Variants in USH2A observed in about 807,000 individuals in gnomAD.
USH2A encodes Usher syndrome 2A (autosomal recessive, mild).
In USH2A, 443 loss-of-function variants were observed where a neutral mutation model predicts 538.9. That is an observed-to-expected ratio of 0.82 (90% confidence interval 0.76 to 0.89). USH2A has a LOEUF of 0.89. Among genes scored for constraint, USH2A ranks in the 40% least tolerant of loss-of-function variants. USH2A has a pLI of 0.00. For missense variants in USH2A, 6,633 were observed against 6,324.8 expected (o/e 1.05, Z -1.65); for synonymous variants, 2,413 against 2,273.5 (o/e 1.06, Z -1.75).
At chr1:215,761,027 C>A (rs1660966050) in intron 56 of USH2A, among the ~76,000 whole-genome samples, 1 of 152,190 alleles carries the variant, frequency 6.6e-6, no homozygotes. Flanking sequence ...ATTTTATTGG[C>A]TCTGGCCTAA....
Position 215,943,649 on chromosome 1 carries a change from A to G in USH2A, c.7121-8854T>C, listed in dbSNP as rs914258797. 5.9e-5 allele frequency among the ~76,000 whole-genome samples: 9 copies of G among 152,292 alleles called. No individual in the cohort carries two copies. In the East Asian group the frequency reaches 1.7e-3, roughly 29 times the overall value. Reference sequence around the variant, plus strand: ...GTGAAACAATGGCTCACAGTCAACTAAGGATTATTCAAGATGCCTCTAAAA... The same window carrying G: ...GTGAAACAATGGCTCACAGTCAACTGAGGATTATTCAAGATGCCTCTAAAA... On this transcript the variant is annotated intron_variant, in intron 37 of 71. Coordinates refer to ENST00000307340, the MANE Select transcript of USH2A (RefSeq NM_206933.4).
intron 30 of USH2A, among the ~76,000 whole-genome samples, chr1:216,057,458 T>A (rs2031016080): frequency 6.6e-6 from 1 of 151,928 alleles, no homozygotes; most frequent in Non-Finnish European, 1.5e-5. Context: ...GAGTTTGAGA[T>A]CAGCCTGACC....
chr1:215,650,818 A>T lies in USH2A; in HGVS notation c.14134-17T>A, dbSNP rs777384777. 3.5e-5 allele frequency: 56 copies of T among 1,613,122 alleles called. No homozygotes were observed. Among genetic ancestry groups the T allele is most frequent in the Non-Finnish European group, 4.7e-5 (56 of 1,179,778 alleles). On this transcript the variant is annotated splice_polypyrimidine_tract_variant and intron_variant, in intron 64 of 71. Transcript: ENST00000307340. ...TGCCCAGACCTCCAAAGAGAAATCAACAAGACTGTCAAAAGCAAGATACCC... is the reference window on the plus strand; with the variant it reads ...TGCCCAGACCTCCAAAGAGAAATCATCAAGACTGTCAAAAGCAAGATACCC...
At chr1:216,279,480 G>A (rs1157052637) in intron 11 of USH2A, among the ~76,000 whole-genome samples, 1 of 152,012 alleles carries the variant, frequency 6.6e-6, no homozygotes, top group East Asian at 1.9e-4. Flanking sequence ...ACATATCTTT[G>A]ATATACAGTG....
At chr1:215,992,797 C>T (rs1043674676) in intron 35 of USH2A, among the ~76,000 whole-genome samples, 2 of 152,100 alleles carry the variant, frequency 1.3e-5, no homozygotes, top group African/African-American at 4.8e-5. Context: ...CAATGAGATG[C>T]AGTACACAAA....
intron 19 of USH2A, among the ~76,000 whole-genome samples, 167 bp downstream of exon 19, chr1:216,196,386 T>C (rs1485009801): frequency 6.6e-6 from 1 of 152,040 alleles, no homozygotes; most frequent in African/African-American, 2.4e-5. Flanking sequence ...AAAATACAAG[T>C]GACATACAAA....
At chr1:215,641,820 A>T (rs1440539367) in intron 67 of USH2A, among the ~76,000 whole-genome samples, 1 of 152,214 alleles carries the variant, frequency 6.6e-6, no homozygotes, top group Non-Finnish European at 1.5e-5. Flanking sequence ...AACCGTAAAG[A>T]CACAGTTGAT....
chr1:216,300,045 A>C (rs911836238), intron 9 of USH2A, among the ~76,000 whole-genome samples: 1 of 152,220 alleles, frequency 6.6e-6, no homozygotes, highest in Non-Finnish European at 1.5e-5. Context: ...AGTTTCATGA[A>C]GTATTAAATT....
At chr1:216,231,150 A>G (rs1305027555) in intron 14 of USH2A, among the ~76,000 whole-genome samples, 1 of 145,386 alleles carries the variant, frequency 6.9e-6, no homozygotes, top group Non-Finnish European at 1.5e-5. Flanking sequence ...TAGAAACGCA[A>G]GGAAAATATA....
chr1:216,075,128 T>C (rs1411633708), intron 27 of USH2A, among the ~76,000 whole-genome samples: 1 of 152,210 alleles, frequency 6.6e-6, no homozygotes, highest in African/African-American at 2.4e-5. Flanking sequence ...TACATCTTTC[T>C]TCATTTTGGA....
At chr1:215,667,837 G>C (rs1419562817) in intron 64 of USH2A, among the ~76,000 whole-genome samples, 3 of 152,128 alleles carry the variant, frequency 2.0e-5, no homozygotes, top group Non-Finnish European at 4.4e-5. Context: ...AGTGAAAACT[G>C]TCTTGTTCTT....
At chr1:216,152,615 C>T (rs2033862418) in intron 21 of USH2A, among the ~76,000 whole-genome samples, 1 of 152,208 alleles carries the variant, frequency 6.6e-6, no homozygotes, top group South Asian at 2.1e-4. Flanking sequence ...AGCCCGCCTG[C>T]ACCCAGGTGA....
At chr1:216,316,307 G>A (rs751451015) in intron 9 of USH2A, among the ~76,000 whole-genome samples, 3 of 152,024 alleles carry the variant, frequency 2.0e-5, no homozygotes, top group African/African-American at 4.8e-5. Context: ...TTTATAAAGG[G>A]GTAAAAGAAA....
At chr1:216,162,625 T>C (rs966602571) in intron 21 of USH2A, among the ~76,000 whole-genome samples, 1 of 152,128 alleles carries the variant, frequency 6.6e-6, no homozygotes, top group Non-Finnish European at 1.5e-5. Flanking sequence ...TAGGCTTCAC[T>C]AGGGTGAATC....
intron 43 of USH2A, among the ~76,000 whole-genome samples, chr1:215,868,859 G>A (rs1664552173): frequency 6.6e-6 from 1 of 152,228 alleles, no homozygotes; most frequent in Non-Finnish European, 1.5e-5. Flanking sequence ...GCAAGAAAGG[G>A]TTCTTCTACA....
intron 3 of USH2A, among the ~76,000 whole-genome samples, chr1:216,417,991 C>G (rs1269934139): frequency 6.6e-6 from 1 of 152,090 alleles, no homozygotes; most frequent in East Asian, 1.9e-4. Context: ...AAGGCTCATA[C>G]AAACTGTGGT....
At chr1:216,363,354 GATC>G (rs2038532982) in intron 4 of USH2A, among the ~76,000 whole-genome samples, 1 of 151,844 alleles carries the variant, frequency 6.6e-6, no homozygotes, top group African/African-American at 2.4e-5. Context: ...TCAATATTAT[GATC>G]ATCATCATCA....
At chr1:215,859,757 C>T (rs962392047) in intron 44 of USH2A, among the ~76,000 whole-genome samples, 3 of 152,130 alleles carry the variant, frequency 2.0e-5, no homozygotes, top group African/African-American at 7.2e-5. Flanking sequence ...GGGCTTTAGT[C>T]CATAACAGAC....
At position 215,674,441 on chromosome 1, in the gene USH2A, C is replaced by T; in HGVS notation, c.13470G>A (p.Leu4490=). Residue 4490 remains leucine, a synonymous_variant, in exon 63 of 72, where the codon TTG becomes TTA. Transcript: ENST00000307340. ...GAGTAAAATCACGATAGCGTGTTTCCAAGCCTGTATATACAATGGTTCCAT... is the reference window on the plus strand; with the variant it reads ...GAGTAAAATCACGATAGCGTGTTTCTAAGCCTGTATATACAATGGTTCCAT... ...RRDGTIVYTG[L]ETRYRDFTLT... The T allele has an allele frequency of 6.2e-7, 1 of 1,614,146 alleles. No individual in the cohort carries two copies. The highest frequency in any genetic ancestry group is 1.1e-5 in the South Asian group (1 of 91,072).
Sources: gnomAD v4.1 joint callset for allele counts (sites outside exome capture counted in the v4.1 genomes callset) on GRCh38, gnomAD v4.1.1 for gene constraint, MANE v1.5 for transcripts, NCBI Gene and HGNC (gene_info 2026-07-23, HGNC 2026-07-21) for gene names.